The following VPS13A variants were observed in gnomAD, a reference collection of about 807,000 sequenced individuals.
VPS13A encodes the protein intermembrane lipid transfer protein VPS13A.
Under a neutral mutation model 390.9 loss-of-function variants are expected in VPS13A, and 264 were observed. The observed-to-expected ratio is 0.68, with a 90% CI of 0.61 to 0.75. The LOEUF is 0.75. Ranked by LOEUF, VPS13A falls within the 30% of genes least tolerant of loss-of-function variation. The pLI is 0.00. For missense variants in VPS13A, 3,409 were observed against 3,733.9 expected, an observed-to-expected ratio of 0.91 and a Z score of 2.27; for synonymous variants, 1,231 against 1,227.1, an observed-to-expected ratio of 1.00 and a Z score of -0.07.
chr9:77,205,494 T>G (rs1825587745), intron 4 of VPS13A, 86 bp downstream of exon 4: 2 of 600,804 alleles, frequency 3.3e-6, no homozygotes, highest in Non-Finnish European at 5.0e-6. Context: ...TTTTGGAATT[T>G]TTTTGAGATT....
intron 69 of VPS13A, 98 bp downstream of exon 69, chr9:77,403,419 C>A: frequency 1.0e-6 from 1 of 984,718 alleles, no homozygotes; most frequent in Non-Finnish European, 1.6e-6. Flanking sequence ...TCCATATAGT[C>A]ACACTGATTC....
intron 70 of VPS13A, 82 bp downstream of exon 70, chr9:77,406,069 C>G (rs1215559520): frequency 6.4e-7 from 1 of 1,554,114 alleles, no homozygotes; most frequent in African/African-American, 1.4e-5. Flanking sequence ...GTATAATGCT[C>G]TACCTCTTTT....
chr9:77,188,834 C>T (rs6560581), intron 1 of VPS13A, among the ~76,000 whole-genome samples: 2 of 151,534 alleles, frequency 1.3e-5, no homozygotes, highest in South Asian at 2.1e-4. Context: ...GGTGTAGGAT[C>T]GTATCTCACT....
chr9:77,196,983 C>T (rs1825041786), intron 1 of VPS13A, among the ~76,000 whole-genome samples: 2 of 152,176 alleles, frequency 1.3e-5, no homozygotes, highest in Admixed American at 6.5e-5. Context: ...GTTTCCCTTT[C>T]TCCACAGTCA....
rs1386965493 is a variant in VPS13A at position 77,370,273 on chromosome 9, C to A, written c.8684C>A (p.Pro2895His). The change falls in exon 64 of 72, where the codon CCT becomes CAT. Residue 2895 changes from proline (P) to histidine (H), a missense_variant. Around this residue, in one of 5 missense-constraint regions of VPS13A, gnomAD observed 30 missense variants for 63.4 expected, o/e 0.47. Coordinates refer to ENST00000360280, the MANE Select transcript of VPS13A (RefSeq NM_033305.3). ...YEPYQGAIQGPEEFVEGMALG... is the reference protein window; with the variant it reads ...YEPYQGAIQGHEEFVEGMALG... ...GCCCTTTAGGGAGCCATCCAGGGTC[C>A]TGAAGAGTTTGTGGAAGGAATGGCA... is the stretch of plus-strand genomic sequence containing the variant. 1 of 1,614,126 alleles carries A rather than the reference C, an allele frequency of 6.2e-7. No homozygotes were observed. The highest frequency in any genetic ancestry group is 8.5e-7 in the Non-Finnish European group (1 of 1,180,010).
intron 33 of VPS13A, among the ~76,000 whole-genome samples, chr9:77,302,092 G>A (rs921988885): frequency 9.9e-5 from 15 of 151,800 alleles, no homozygotes; most frequent in Admixed American, 7.2e-4. Flanking sequence ...CAAGTAGCTG[G>A]GATTACAGGT....
At chr9:77,184,464 C>G (rs1269342872) in intron 1 of VPS13A, among the ~76,000 whole-genome samples, 1 of 152,014 alleles carries the variant, frequency 6.6e-6, no homozygotes, top group African/African-American at 2.4e-5. Context: ...ACTAAAAATA[C>G]AAAAATTAGC....
At position 77,384,528 on chromosome 9, in the gene VPS13A, C is replaced by A. The variant is rs942512619; in HGVS notation, c.9189+2441C>A. On this transcript the variant is annotated intron_variant, in intron 68 of 71. Coordinates refer to ENST00000360280, the MANE Select transcript of VPS13A (RefSeq NM_033305.3). Reference sequence around the variant, plus strand: ...TTTCATAATCTTACATGTTTTCAAGCAATTTGCCATACTCTACTAACCTTT... The same window carrying A: ...TTTCATAATCTTACATGTTTTCAAGAAATTTGCCATACTCTACTAACCTTT... 2.5e-6 allele frequency: 4 copies of A among 1,606,588 alleles called. No homozygotes were observed. The African/African-American group carries it at 5.4e-5, about 21-fold the overall frequency.
intron 50 of VPS13A, among the ~76,000 whole-genome samples, chr9:77,341,564 T>C (rs886759966): frequency 1.3e-5 from 2 of 152,030 alleles, no homozygotes; most frequent in Admixed American, 6.6e-5. Flanking sequence ...TCCGTTTTTT[T>C]CCATCTAAGC....
intron 31 of VPS13A, among the ~76,000 whole-genome samples, chr9:77,287,129 A>G (rs1272196918): frequency 2.7e-5 from 4 of 148,552 alleles, no homozygotes; most frequent in African/African-American, 4.9e-5. Flanking sequence ...ACATTAATAT[A>G]TATGTAAATT....
chr9:77,343,430 C>T (rs1830950622), intron 50 of VPS13A, among the ~76,000 whole-genome samples: 1 of 152,170 alleles, frequency 6.6e-6, no homozygotes, highest in African/African-American at 2.4e-5. Context: ...CATGAGCAGT[C>T]TCACTGAAAT....
chr9:77,224,050 A>G (rs2131188146), intron 13 of VPS13A, among the ~76,000 whole-genome samples: 1 of 152,318 alleles, frequency 6.6e-6, no homozygotes, highest in South Asian at 2.1e-4. Context: ...TATGCTCTAT[A>G]CACGGAACAG....
chr9:77,177,615 G>A lies in VPS13A; in HGVS notation c.-90G>A, dbSNP rs1277458670. 3 of 1,259,120 alleles carry A rather than the reference G, an allele frequency of 2.4e-6. No homozygotes were observed. The highest frequency in any genetic ancestry group is 3.4e-6 in the Non-Finnish European group (3 of 880,592). 78.0% of individuals were successfully genotyped at this position (1,259,120 alleles called of 1,614,324 possible). ...CAGCTGAAGCCGCCCCGGAGCCGGT[G>A]AACCGAATTACCTCGAGGGAGGGGC... On this transcript the variant is annotated 5_prime_UTR_variant, in exon 1 of 72. Coordinates refer to ENST00000360280, the MANE Select transcript of VPS13A (RefSeq NM_033305.3).
rs545169324 is a variant in VPS13A, at chr9:77,421,254, C to T, written c.*5248C>T. The stretch of plus-strand genomic sequence containing the variant: ...TCCTACACTTTTCTGTTCCTCATCC[C>T]TCTTTTATGTGTGCTTGGCTCAGTT... On this transcript the variant is annotated 3_prime_UTR_variant, in exon 72 of 72. Transcript: ENST00000360280. 6.6e-6 allele frequency: 1 copy of T among 152,162 alleles called. No homozygotes were observed. The highest frequency in any genetic ancestry group is 2.1e-4 in the South Asian group (1 of 4,832). The allele number at this position is 152,162 out of a possible 1,614,324, so 9.4% of individuals were successfully genotyped here.
At chr9:77,234,588 T>A (rs1216825444) in intron 17 of VPS13A, among the ~76,000 whole-genome samples, 1 of 152,242 alleles carries the variant, frequency 6.6e-6, no homozygotes, top group Non-Finnish European at 1.5e-5. Flanking sequence ...ATCTGTATTG[T>A]TGTATCATGT....
chr9:77,328,199 T>C lies in VPS13A; in HGVS notation c.5992-3811T>C, dbSNP rs911068740. 3.9e-5 allele frequency among the ~76,000 whole-genome samples: 6 copies of C among 152,282 alleles called. No individual in the cohort carries two copies. In the East Asian group the frequency reaches 1.2e-3, roughly 29 times the overall value. ...ATCTCCATCAGAACTCCAGTGACAA[T>C]GTGCATGGCCAATGAGCAGTAGCAT... On this transcript the variant is annotated intron_variant, in intron 45 of 71. Transcript: ENST00000360280.
At chr9:77,355,609 A>G (rs1201761302) in intron 54 of VPS13A, among the ~76,000 whole-genome samples, 2 of 152,232 alleles carry the variant, frequency 1.3e-5, no homozygotes, top group Non-Finnish European at 2.9e-5. Flanking sequence ...CTATTCAGAT[A>G]TCTAAGAGAC....
intron 27 of VPS13A, 33 bp from the exon 28 acceptor site, chr9:77,281,834 G>T (rs1474717670): frequency 1.4e-6 from 2 of 1,450,196 alleles, no homozygotes; most frequent in South Asian, 2.3e-5. Flanking sequence ...TCTTCCTAAC[G>T]TGTTCTAACA....
chr9:77,413,891 C>A (rs1273984884), intron 71 of VPS13A, among the ~76,000 whole-genome samples: 2 of 151,818 alleles, frequency 1.3e-5, no homozygotes, highest in African/African-American at 2.4e-5. Flanking sequence ...TCAAACAAAT[C>A]TACAAGAAAA....
Sources: gnomAD v4.1 joint callset for allele counts (sites outside exome capture counted in the v4.1 genomes callset) on GRCh38, gnomAD v4.1.1 for gene constraint, gnomAD v4.1.1 regional missense constraint, MANE v1.5 for transcripts, NCBI Gene and HGNC (gene_info 2026-07-23, HGNC 2026-07-21) for gene names.